The following EYA1 variants were observed in gnomAD, a reference collection of about 807,000 sequenced individuals.
The protein encoded by EYA1 is EYA transcriptional coactivator and phosphatase 1, also known as protein phosphatase EYA1.
Under a neutral mutation model 82.0 loss-of-function variants are expected in EYA1, and 16 were observed. That is an observed-to-expected ratio of 0.20 (90% CI 0.13 to 0.30). EYA1 has a LOEUF of 0.30. EYA1 is among the 10% of genes least tolerant of loss of function. The pLI is 1.00. For synonymous variants in EYA1, 261 were observed against 264.4 expected (o/e 0.99, Z 0.12); for missense variants, 633 against 730.7 (o/e 0.87, Z 1.54).
intron 2 of EYA1, among the ~76,000 whole-genome samples, chr8:71,519,870 C>T (rs1330050735): frequency 2.0e-5 from 3 of 152,136 alleles, no homozygotes; most frequent in Non-Finnish European, 2.9e-5. Flanking sequence ...TAGAAGACCT[C>T]AGTGTCTGAC....
intron 17 of EYA1, among the ~76,000 whole-genome samples, chr8:71,209,715 CATTTATGGA>C (rs1389911960): frequency 6.6e-6 from 1 of 152,102 alleles, no homozygotes; most frequent in Non-Finnish European, 1.5e-5. Flanking sequence ...GATATTGTAT[CATTTATGGA>C]AATATACATG....
intron 2 of EYA1, among the ~76,000 whole-genome samples, chr8:71,501,016 C>T (rs1430208326): frequency 6.6e-6 from 1 of 152,186 alleles, no homozygotes; most frequent in African/African-American, 2.4e-5. Flanking sequence ...TTTATGATAA[C>T]TTGGTGTCAA....
chr8:71,399,896 C>G (rs1315305318), intron 2 of EYA1, among the ~76,000 whole-genome samples: 1 of 152,168 alleles, frequency 6.6e-6, no homozygotes, highest in African/African-American at 2.4e-5. Flanking sequence ...TGACTTCAAA[C>G]TATACTACAA....
intron 2 of EYA1, among the ~76,000 whole-genome samples, chr8:71,526,643 C>T (rs890862587): frequency 1.3e-5 from 2 of 152,206 alleles, no homozygotes; most frequent in African/African-American, 4.8e-5. Flanking sequence ...TGCCCCTCCA[C>T]AGGGATGCCT....
At chr8:71,287,714 G>A (rs940047107) in intron 9 of EYA1, among the ~76,000 whole-genome samples, 2 of 152,158 alleles carry the variant, frequency 1.3e-5, no homozygotes, top group Admixed American at 6.5e-5. Flanking sequence ...CTTCAAGAGG[G>A]AAGAACACAT....
chr8:71,356,409 T>C lies in EYA1; in HGVS notation c.-5+53A>G, dbSNP rs985280359. ...AAGAAACACTAGACAAAAATAGATA[T>C]GGGTCACAGAAAGGTAATCTCCAAA... On this transcript the variant is annotated intron_variant, in intron 2 of 17. Transcript: ENST00000340726. 25 of 1,448,774 alleles carry C rather than the reference T, an allele frequency of 1.7e-5. 1 individual carries two copies. The Admixed American group carries it at 2.0e-4, about 12-fold the overall frequency. The allele number at this position is 1,448,774 out of a possible 1,614,324, so 89.7% of individuals were successfully genotyped here. A position where few individuals can be genotyped will look rare whatever the true frequency, so the allele number is the denominator to read the frequency against.
intron 2 of EYA1, among the ~76,000 whole-genome samples, chr8:71,484,444 G>C (rs1810408237): frequency 6.6e-6 from 1 of 152,152 alleles, no homozygotes; most frequent in Non-Finnish European, 1.5e-5. Flanking sequence ...TTGGTCAATG[G>C]GCTGGCTGTA....
At chr8:71,265,224 A>AT (rs1014585171) in intron 11 of EYA1, among the ~76,000 whole-genome samples, 32 of 151,392 alleles carry the variant, frequency 2.1e-4, no homozygotes, top group African/African-American at 6.1e-4. Flanking sequence ...ATTTGTTGAA[A>AT]TTTTTTTTTA....
intron 12 of EYA1, among the ~76,000 whole-genome samples, chr8:71,240,409 T>C (rs951478641): frequency 3.9e-5 from 6 of 152,200 alleles, no homozygotes; most frequent in African/African-American, 1.4e-4. Flanking sequence ...AAGAATGCTC[T>C]GGTCTGCTCC....
intron 2 of EYA1, among the ~76,000 whole-genome samples, chr8:71,395,750 C>T (rs540401041): frequency 6.6e-6 from 1 of 152,110 alleles, no homozygotes; most frequent in East Asian, 1.9e-4. Flanking sequence ...GTGTAAAATT[C>T]TCTTTTTTTG....
chr8:71,226,045 G>A (rs1200378194), intron 12 of EYA1, among the ~76,000 whole-genome samples: 3 of 152,214 alleles, frequency 2.0e-5, no homozygotes, highest in African/African-American at 4.8e-5. Flanking sequence ...AGTCTTTACT[G>A]AAAGTTCCTG....
chr8:71,211,306 T>C (rs565863958), intron 16 of EYA1, 50 bp from the exon 17 acceptor site: 3 of 1,207,754 alleles, frequency 2.5e-6, no homozygotes, highest in Non-Finnish European at 3.7e-6. Context: ...GGTAACCTAA[T>C]GTGACAGTGC....
intron 12 of EYA1, among the ~76,000 whole-genome samples, chr8:71,240,538 G>A (rs1292988605): frequency 6.6e-6 from 1 of 152,088 alleles, no homozygotes; most frequent in African/African-American, 2.4e-5. Flanking sequence ...ACGAGAGGAG[G>A]GTTCCCACTC....
At chr8:71,427,821 A>G (rs2129157124) in intron 2 of EYA1, among the ~76,000 whole-genome samples, 1 of 152,132 alleles carries the variant, frequency 6.6e-6, no homozygotes, top group African/African-American at 2.4e-5. Flanking sequence ...GGAGTTCAAG[A>G]CTATCTTGGG....
At chr8:71,403,616 C>G (rs1830068208) in intron 2 of EYA1, 1 of 152,110 alleles carries the variant, frequency 6.6e-6, no homozygotes, top group Non-Finnish European at 1.5e-5. Context: ...GATCATCTAC[C>G]AGTAGATAAT....
chr8:71,468,770 C>A (rs1018617805), intron 2 of EYA1, among the ~76,000 whole-genome samples: 1 of 152,064 alleles, frequency 6.6e-6, no homozygotes, highest in Non-Finnish European at 1.5e-5. Context: ...ACTGCCCCAG[C>A]CTTTGAGATA....
In EYA1 at chr8:71,457,815, A is replaced by G. The variant is rs551064560; in HGVS notation, c.33+77929T>C. Among the ~76,000 whole-genome samples, 14 of 152,300 alleles carry G rather than the reference A, an allele frequency of 9.2e-5. No individual in the cohort carries two copies. The South Asian group carries it at 2.9e-3, about 32-fold the overall frequency. ...GAGTTAATGGGTGCAGCACACCAAC[A>G]TGGCACATGTATACATATGTAACAA... On this transcript the variant is annotated intron_variant, in intron 2 of 18. Transcript: ENST00000643681.
At chr8:71,223,150 G>GTTT (rs1270271535) in intron 12 of EYA1, among the ~76,000 whole-genome samples, 4 of 152,226 alleles carry the variant, frequency 2.6e-5, no homozygotes, top group African/African-American at 9.6e-5. Context: ...GAAAGCATAG[G>GTTT]TTTTAGCATA....
intron 2 of EYA1, among the ~76,000 whole-genome samples, chr8:71,430,628 A>G (rs1805547410): frequency 6.6e-6 from 1 of 152,206 alleles, no homozygotes; most frequent in Non-Finnish European, 1.5e-5. Flanking sequence ...ACCTGTGGTA[A>G]ATAATTGATT....
Sources: allele counts gnomAD v4.1 joint callset (sites outside exome capture counted in the v4.1 genomes callset), GRCh38; gene constraint gnomAD v4.1.1; transcripts MANE v1.5; gene names NCBI Gene and HGNC (gene_info 2026-07-23, HGNC 2026-07-21).